CSMD3: variants seen among roughly 807,000 people sequenced by gnomAD.
The protein encoded by CSMD3 is CUB and sushi domain-containing protein 3.
Under a neutral mutation model 435.2 loss-of-function variants are expected in CSMD3, and 177 were observed. That is an observed-to-expected ratio of 0.41 (90% CI 0.36 to 0.46). The LOEUF (loss-of-function observed/expected upper bound fraction) is 0.46. Ranked by LOEUF, CSMD3 falls within the 20% of genes least tolerant of loss-of-function variation. The pLI is 0.34. For synonymous variants in CSMD3, 1,656 were observed against 1,520.5 expected, an observed-to-expected ratio of 1.09 and a Z score of -2.07; for missense variants, 4,265 against 4,504.6, an observed-to-expected ratio of 0.95 and a Z score of 1.52.
chr8:113,281,175 C>T (rs999356069), intron 2 of CSMD3, among the ~76,000 whole-genome samples: 3 of 151,810 alleles, frequency 2.0e-5, no homozygotes, highest in African/African-American at 7.3e-5. Context: ...GTATATCTAT[C>T]TGTTAAGTCA....
chr8:112,886,313 TTC>T (rs1234632211), intron 10 of CSMD3, among the ~76,000 whole-genome samples: 1 of 151,700 alleles, frequency 6.6e-6, no homozygotes, highest in Non-Finnish European at 1.5e-5. Context: ...TAAGTCATTT[TTC>T]TTTTTTGCCT....
intron 34 of CSMD3, among the ~76,000 whole-genome samples, chr8:112,407,562 A>G (rs1831968777): frequency 6.6e-6 from 1 of 152,000 alleles, no homozygotes; most frequent in Non-Finnish European, 1.5e-5. Flanking sequence ...CAGTCGTAAT[A>G]CCACACATTG....
In CSMD3 at chr8:112,658,773, C is replaced by G. The variant is rs1182032739; in HGVS notation, c.2817-2432G>C. 2.0e-5 allele frequency among the ~76,000 whole-genome samples: 3 copies of G among 152,028 alleles called. No homozygotes were observed. The East Asian group carries it at 5.8e-4, about 29-fold the overall frequency. ...AGAAGTTTGAGACCAGCCTGGCCAACATGGCAAAACCCTGTCTCTACTAAA... is the reference window on the plus strand; with the variant it reads ...AGAAGTTTGAGACCAGCCTGGCCAAGATGGCAAAACCCTGTCTCTACTAAA... On this transcript the variant is annotated intron_variant, in intron 17 of 70. Transcript: ENST00000297405.
intron 9 of CSMD3, among the ~76,000 whole-genome samples, chr8:112,922,173 G>A (rs530252106): frequency 3.7e-4 from 57 of 152,156 alleles, no homozygotes; most frequent in African/African-American, 1.3e-3. Flanking sequence ...AATGTATTTA[G>A]AGATGCAAAA....
chr8:113,060,347 G>A (rs1166194353), intron 5 of CSMD3, among the ~76,000 whole-genome samples: 1 of 149,646 alleles, frequency 6.7e-6, no homozygotes, highest in East Asian at 2.0e-4. Flanking sequence ...TGGCTGCATA[G>A]TATTCCATGG....
At chr8:112,263,961 T>C (rs1816689797) in intron 60 of CSMD3, 149 bp from the exon 61 acceptor site, 1 of 774,640 alleles carries the variant, frequency 1.3e-6, no homozygotes, top group African/African-American at 1.7e-5. Flanking sequence ...CCTGGTAGTG[T>C]TCCTGAGTCA....
intron 13 of CSMD3, among the ~76,000 whole-genome samples, chr8:112,788,959 T>C (rs1247597875): frequency 1.4e-4 from 21 of 152,166 alleles, no homozygotes; most frequent in Admixed American, 1.4e-3. Flanking sequence ...TTAAAAGCCC[T>C]CTTTATTCTG....
chr8:112,954,593 C>T lies in CSMD3; in HGVS notation c.1420+91G>A, dbSNP rs949047551. 7 of 766,652 alleles carry T rather than the reference C, an allele frequency of 9.1e-6. No individual in the cohort carries two copies. In the African/African-American group the frequency reaches 1.2e-4, roughly 13 times the overall value. The allele number at this position is 766,652 out of a possible 1,614,324, so 47.5% of individuals were successfully genotyped here. On this transcript the variant is annotated intron_variant, in intron 8 of 70. Transcript: ENST00000297405. Reference sequence around the variant, plus strand: ...TAATGCAGTTAATTTGGTAAATACACAAATATTTTGGTAAAACACATACAA... The same window carrying T: ...TAATGCAGTTAATTTGGTAAATACATAAATATTTTGGTAAAACACATACAA...
intron 5 of CSMD3, among the ~76,000 whole-genome samples, chr8:113,025,622 C>T (rs902320860): frequency 1.5e-4 from 23 of 152,058 alleles, no homozygotes; most frequent in African/African-American, 4.1e-4. Context: ...ACTGGTGGTT[C>T]GGGCAAATGC....
intron 5 of CSMD3, among the ~76,000 whole-genome samples, chr8:113,040,250 TG>T (rs2087549608): frequency 6.6e-6 from 1 of 152,112 alleles, no homozygotes; most frequent in Non-Finnish European, 1.5e-5. Context: ...AGAAAGACAG[TG>T]GTTAGGAATG....
intron 4 of CSMD3, among the ~76,000 whole-genome samples, chr8:113,118,286 T>A (rs910700002): frequency 6.6e-6 from 1 of 152,226 alleles, no homozygotes; most frequent in Non-Finnish European, 1.5e-5. Flanking sequence ...GAGGCTGACT[T>A]ATGGCATATA....
chr8:112,255,636 G>A (rs187519663), intron 61 of CSMD3: 130 of 559,436 alleles, frequency 2.3e-4, no homozygotes, highest in African/African-American at 1.1e-3. Context: ...AAATTAGCTC[G>A]ATTTCGATGT....
intron 3 of CSMD3, among the ~76,000 whole-genome samples, chr8:113,201,366 T>A (rs151267503): frequency 6.6e-6 from 1 of 152,094 alleles, no homozygotes; most frequent in East Asian, 1.9e-4. Context: ...TTAATTGAAA[T>A]TAGTCATAAC....
At position 112,993,577 on chromosome 8, in the gene CSMD3, T is replaced by C. The variant is rs763254087; in HGVS notation, c.1031-17429A>G. Among the ~76,000 whole-genome samples, 4 of 151,820 alleles carry C rather than the reference T, an allele frequency of 2.6e-5. No homozygotes were observed. In the East Asian group the frequency reaches 7.7e-4, roughly 29 times the overall value. The stretch of plus-strand genomic sequence containing the variant: ...CACTATTATGCTGAAGATATAAAGA[T>C]AAAAATCATATAAGGTCTTCTTTTC... On this transcript the variant is annotated intron_variant, in intron 6 of 70. Transcript: ENST00000297405.
chr8:112,806,899 C>T (rs2079101379), intron 12 of CSMD3, among the ~76,000 whole-genome samples: 1 of 152,150 alleles, frequency 6.6e-6, no homozygotes, highest in Non-Finnish European at 1.5e-5. Flanking sequence ...TAAATAATTC[C>T]AGAAACTGGC....
chr8:112,307,711 G>A (rs1284370524), intron 50 of CSMD3, among the ~76,000 whole-genome samples: 2 of 152,166 alleles, frequency 1.3e-5, no homozygotes, highest in Non-Finnish European at 2.9e-5. Context: ...ATAGATATAT[G>A]TAGTGCATTA....
intron 3 of CSMD3, among the ~76,000 whole-genome samples, chr8:113,268,202 A>G (rs1237269572): frequency 6.6e-6 from 1 of 151,922 alleles, no homozygotes; most frequent in African/African-American, 2.4e-5. Flanking sequence ...ATTGTTTGGC[A>G]GGTCTAGAAA....
At chr8:112,815,622 T>C (rs528056885) in intron 12 of CSMD3, among the ~76,000 whole-genome samples, 1 of 152,248 alleles carries the variant, frequency 6.6e-6, no homozygotes, top group African/African-American at 2.4e-5. Flanking sequence ...ACAGTGCAAA[T>C]ATTCCTGAGA....
chr8:112,307,126 T>C (rs1209085162), intron 50 of CSMD3, among the ~76,000 whole-genome samples: 1 of 151,798 alleles, frequency 6.6e-6, no homozygotes. Flanking sequence ...AGGTTTTTTG[T>C]TTTTTGTTTT....
Sources: gnomAD v4.1 joint callset for allele counts (sites outside exome capture counted in the v4.1 genomes callset) on GRCh38, gnomAD v4.1.1 for gene constraint, MANE v1.5 for transcripts, NCBI Gene and HGNC (gene_info 2026-07-23, HGNC 2026-07-21) for gene names.